ANKRD36B: variants seen among roughly 807,000 people sequenced by gnomAD.
ANKRD36B encodes the protein ankyrin repeat domain 36B, also known as ankyrin repeat domain-containing protein 36B.
ANKRD36B carries 37 observed loss-of-function variants against 135.7 expected under a neutral mutation model. The ratio of observed to expected loss-of-function variants is 0.27; its 90% CI spans 0.21 to 0.36. The LOEUF is 0.36. Ranked by LOEUF, ANKRD36B falls within the 10% of genes least tolerant of loss-of-function variation. The pLI is 1.00. For synonymous variants in ANKRD36B, 179 were observed against 348.1 expected, an observed-to-expected ratio of 0.51 and a Z score of 5.41; for missense variants, 549 against 1,037.1, an observed-to-expected ratio of 0.53 and a Z score of 6.46.
chr2:97,587,295 A>T (rs1046584439), intron 1 of ANKRD36B, among the ~76,000 whole-genome samples: 7 of 152,234 alleles, frequency 4.6e-5, no homozygotes, highest in African/African-American at 1.7e-4. Context: ...CATTTACTAG[A>T]AGTTTTAAAC....
At chr2:97,494,010 G>A (rs2922559) in intron 43 of ANKRD36B, among the ~76,000 whole-genome samples, 20 of 106,336 alleles carry the variant, frequency 1.9e-4, no homozygotes, top group African/African-American at 4.7e-4. Flanking sequence ...CATTTTGGTC[G>A]ACCACTTAAC....
In ANKRD36B at chr2:97,494,073, A is replaced by G. The variant is rs1302036764; in HGVS notation, c.*7-1218T>C. Among the ~76,000 whole-genome samples, 2 of 106,976 alleles carry G rather than the reference A, an allele frequency of 1.9e-5. 1 individual carries two copies. Among genetic ancestry groups the G allele is most frequent in the African/African-American group, 5.2e-5 (2 of 38,210 alleles). The allele number at this position is 106,976 out of a possible 152,430, so 70.2% of individuals were successfully genotyped here. On this transcript the variant is annotated intron_variant, in intron 43 of 43. Coordinates refer to ENST00000359901, the MANE Select transcript of ANKRD36B (RefSeq NM_001393939.1). ...CCTCATCTTCCTGTCTTCTTTGCCT[A>G]TTACCCAGTTCCAAAGCAAATTCTG...
At chr2:97,548,092 C>A (rs2079665656) in intron 20 of ANKRD36B, among the ~76,000 whole-genome samples, 1 of 151,778 alleles carries the variant, frequency 6.6e-6, no homozygotes, top group Admixed American at 6.6e-5. Context: ...GCTACATGAT[C>A]CCACATGTCT....
rs1443090989 is a variant in ANKRD36B, at chr2:97,547,583, A to G, written c.1532T>C (p.Leu511Pro). Residue 511 changes from leucine to proline, a missense_variant, in exon 22 of 44, where the codon CTT becomes CCT. Leu to Pro is a moderately conservative substitution (Grantham distance 98). Coordinates refer to ENST00000359901, the MANE Select transcript of ANKRD36B (RefSeq NM_001393939.1). ...LKATRDEKDS[L>P]LNIARGKKDG... Reference sequence around the variant, plus strand: ...TTTTTTTCCTCTGGCTATATTCAAAAGAGAATCTTTCTCGTCTCTTGTAGC... The same window carrying G: ...TTTTTTTCCTCTGGCTATATTCAAAGGAGAATCTTTCTCGTCTCTTGTAGC... 6 of 1,568,590 alleles carry G rather than the reference A, an allele frequency of 3.8e-6. No individual in the cohort carries two copies. In the East Asian group the frequency reaches 6.8e-5, roughly 18 times the overall value.
chr2:97,585,770 CT>C (rs2082936972), intron 1 of ANKRD36B, among the ~76,000 whole-genome samples: 1 of 152,162 alleles, frequency 6.6e-6, no homozygotes, highest in African/African-American at 2.4e-5. Context: ...CAAATAACAG[CT>C]CAATAATTTT....
rs913849242 is a variant in ANKRD36B, at chr2:97,551,379, C to T, written c.1303-18G>A. On this transcript the variant is annotated intron_variant, in intron 17 of 43. Transcript: ENST00000359901. ...CTTGTGGCCTGAATGGAATTTGAAA[C>T]AAAATAATAAATAAGGTATGTTTCA... 2 of 1,601,738 alleles carry T rather than the reference C, an allele frequency of 1.2e-6. No homozygotes were observed. Among genetic ancestry groups the T allele is most frequent in the East Asian group, 2.3e-5 (1 of 44,438 alleles).
At chr2:97,530,008 C>A (rs561471506) in intron 35 of ANKRD36B, among the ~76,000 whole-genome samples, 1 of 95,466 alleles carries the variant, frequency 1.0e-5, no homozygotes, top group Admixed American at 9.3e-5. Context: ...CAGTGCCATC[C>A]CCATCAAGCT....
At chr2:97,580,342 T>C (rs2082549144) in intron 4 of ANKRD36B, 120 bp downstream of exon 4, 5 of 846,140 alleles carry the variant, frequency 5.9e-6, no homozygotes, top group African/African-American at 1.7e-5. Context: ...TTTCTCACTA[T>C]ATCCCAGTAA....
At chr2:97,568,754 C>T (rs866266748) in intron 6 of ANKRD36B, among the ~76,000 whole-genome samples, 1 of 151,978 alleles carries the variant, frequency 6.6e-6, no homozygotes, top group African/African-American at 2.4e-5. Context: ...ACTGGAGCTA[C>T]CAAGATGTGC....
Position 97,553,227 on chromosome 2 carries a change from T to C in ANKRD36B, c.1214A>G (p.Glu405Gly), listed in dbSNP as rs2080222209. Residue 405 changes from glutamate (E) to glycine (G), a missense_variant, in exon 16 of 44, where the codon GAG becomes GGG. Transcript: ENST00000359901. ...KQQALKATTDEEGSVSNIATE... is the reference protein window; with the variant it reads ...KQQALKATTDGEGSVSNIATE... ...GGCTATATTAGAAACAGAACCTTCC[T>C]CGTCAGTTGTAGCCTGAATGGAATT... is the stretch of plus-strand genomic sequence containing the variant. 1.2e-6 allele frequency: 2 copies of C among 1,610,764 alleles called. No individual in the cohort carries two copies. The highest frequency in any genetic ancestry group is 1.3e-5 in the African/African-American group (1 of 74,668).
At chr2:97,583,363 A>ATAAG (rs1245577787) in intron 3 of ANKRD36B, among the ~76,000 whole-genome samples, 1 of 59,528 alleles carries the variant, frequency 1.7e-5, no homozygotes, top group East Asian at 3.9e-4. Context: ...ATGGCAGTGA[A>ATAAG]TAAGTGATGG....
At chr2:97,529,758 T>C (rs1275159378) in intron 35 of ANKRD36B, among the ~76,000 whole-genome samples, 1 of 93,004 alleles carries the variant, frequency 1.1e-5, no homozygotes, top group African/African-American at 3.2e-5. Flanking sequence ...TATACAACAA[T>C]AACAGACAAA....
rs1156912216 is a variant in ANKRD36B at position 97,544,860 on chromosome 2, TAAAGA to T, written c.1681+801_1681+805del. ...TTTTTTGGAGTATCATGCTATTCTC[TAAAGA>T]AGTTTCATTCAATAGCTATTTTATC... On this transcript the variant is annotated intron_variant, in intron 24 of 43. Transcript: ENST00000359901. Among the ~76,000 whole-genome samples, 4 of 96,678 alleles carry T rather than the reference TAAAGA, an allele frequency of 4.1e-5. 1 individual carries two copies. The highest frequency in any genetic ancestry group is 1.2e-4 in the African/African-American group (4 of 32,524). The allele number at this position is 96,678 out of a possible 152,430, so 63.4% of individuals were successfully genotyped here.
rs2078573251 is a variant in ANKRD36B, at chr2:97,531,227, T to G, written c.2265+1084A>C. On this transcript the variant is annotated intron_variant, in intron 35 of 43. Coordinates refer to ENST00000359901, the MANE Select transcript of ANKRD36B (RefSeq NM_001393939.1). ...TACACCATGGAATACTATGCAGCCA[T>G]AAAAAATGATGAGTTCATGTCCTTT... Among the ~76,000 whole-genome samples, 2 of 89,196 alleles carry G rather than the reference T, an allele frequency of 2.2e-5. 1 individual carries two copies. The highest frequency in any genetic ancestry group is 6.0e-5 in the Non-Finnish European group (2 of 33,606). 58.5% of individuals were successfully genotyped at this position (89,196 alleles called of 152,430 possible). A position where few individuals can be genotyped will look rare whatever the true frequency, so the allele number is the denominator to read the frequency against.
chr2:97,566,968 C>T (rs1443692474), intron 6 of ANKRD36B, among the ~76,000 whole-genome samples: 3 of 151,970 alleles, frequency 2.0e-5, no homozygotes, highest in Non-Finnish European at 4.4e-5. Flanking sequence ...CAGGCTATTC[C>T]CCCACAGCAG....
At chr2:97,556,042 A>G (rs565645467) in intron 12 of ANKRD36B, among the ~76,000 whole-genome samples, 2 of 152,060 alleles carry the variant, frequency 1.3e-5, no homozygotes, top group African/African-American at 4.8e-5. Flanking sequence ...CATTGAAAAT[A>G]ACCATTTTAG....
At position 97,564,810 on chromosome 2, in the gene ANKRD36B, C is replaced by A. The variant is rs191004686; in HGVS notation, c.764-3950G>T. 8.9e-3 allele frequency among the ~76,000 whole-genome samples: 1,352 copies of A among 152,226 alleles called. 15 individuals carry two copies. The highest frequency in any genetic ancestry group is 0.025 in the Admixed American group (388 of 15,284). On this transcript the variant is annotated intron_variant, in intron 6 of 43. Coordinates refer to ENST00000359901, the MANE Select transcript of ANKRD36B (RefSeq NM_001393939.1). ...ATAGTTTGAATCAGGTAGCATGATG[C>A]CTCCAGCTTTGTTCTTTTTGCTTAG...
chr2:97,577,937 T>G (rs1339603162), intron 5 of ANKRD36B, among the ~76,000 whole-genome samples: 1 of 151,852 alleles, frequency 6.6e-6, no homozygotes, highest in Non-Finnish European at 1.5e-5. Context: ...ACAGATCTGG[T>G]AGCAATAAAG....
chr2:97,547,784 T>A, intron 20 of ANKRD36B, 53 bp from the exon 21 acceptor site: 1 of 1,535,788 alleles, frequency 6.5e-7, no homozygotes, highest in Non-Finnish European at 8.8e-7. Context: ...GACAAAATTA[T>A]CCACACATTC....
Sources: allele counts gnomAD v4.1 joint callset (sites outside exome capture counted in the v4.1 genomes callset), GRCh38; gene constraint gnomAD v4.1.1; transcripts MANE v1.5; gene names NCBI Gene and HGNC (gene_info 2026-07-23, HGNC 2026-07-21).